The following GPBP1L1 variants were observed in gnomAD, a reference collection of about 807,000 sequenced individuals.
The protein encoded by GPBP1L1 is GC-rich promoter binding protein 1 like 1, also known as vasculin-like protein 1.
Under a neutral mutation model 52.5 loss-of-function variants are expected in GPBP1L1, and 23 were observed. The observed-to-expected ratio is 0.44, with a 90% CI of 0.32 to 0.62. The LOEUF is 0.62. Among genes scored for constraint, GPBP1L1 ranks in the 20% least tolerant of loss-of-function variants. The pLI is 0.06. For synonymous variants in GPBP1L1, 243 were observed against 203.1 expected, an observed-to-expected ratio of 1.20 and a Z score of -1.67; for missense variants, 596 against 579.3, an observed-to-expected ratio of 1.03 and a Z score of -0.30.
chr1:45,661,150 TAG>T lies in GPBP1L1; in HGVS notation c.-1024_-1023del, dbSNP rs1275056167. 3 of 152,184 alleles carry T rather than the reference TAG, an allele frequency of 2.0e-5. No individual in the cohort carries two copies. Among genetic ancestry groups the T allele is most frequent in the Non-Finnish European group, 2.9e-5 (2 of 68,026 alleles). The allele number at this position is 152,184 out of a possible 1,614,324, so 9.4% of individuals were successfully genotyped here. A position where few individuals can be genotyped will look rare whatever the true frequency, so the allele number is the denominator to read the frequency against. On this transcript the variant is annotated 5_prime_UTR_variant, in exon 3 of 13. Transcript: ENST00000355105. ...ATATGAAGAATCTTCTATGCTTTGG[TAG>T]AGAAGTCACTTATTATTTTGGATCC...
rs1295473227 is a variant in GPBP1L1 at position 45,654,750 on chromosome 1, T to C, written c.270A>G (p.Thr90=). The part of the protein sequence containing the change: ...GVSKGAYAGI[T]GNPSGWHSSS... ...AGCTATGCCAACCAGATGGGTTCCC[T>C]GTGATTCCAGCATATGCTCCCTTAG... is the stretch of plus-strand genomic sequence containing the variant. The change falls in exon 6 of 13, where the codon ACA becomes ACG. Residue 90 remains threonine (T), a synonymous_variant. Coordinates refer to ENST00000355105, the MANE Select transcript of GPBP1L1 (RefSeq NM_021639.5). The C allele has an allele frequency of 6.2e-7, 1 of 1,614,168 alleles. No homozygotes were observed. Among genetic ancestry groups the C allele is most frequent in the Non-Finnish European group, 8.5e-7 (1 of 1,180,028 alleles).
At chr1:45,635,526 G>T (rs1411070640) in intron 8 of GPBP1L1, 3 of 152,108 alleles carry the variant, frequency 2.0e-5, no homozygotes, top group African/African-American at 4.8e-5. Context: ...ACATAAAACA[G>T]AATATCTATG....
chr1:45,648,856 C>T (rs1283495305), intron 6 of GPBP1L1, among the ~76,000 whole-genome samples: 4 of 152,158 alleles, frequency 2.6e-5, no homozygotes, highest in South Asian at 2.1e-4. Flanking sequence ...GGCGAAATCC[C>T]GCCTCTACTA....
rs757921630 is a variant in GPBP1L1 at position 45,627,398 on chromosome 1, C to T, written c.*858G>A. 21 of 152,450 alleles carry T rather than the reference C, an allele frequency of 1.4e-4. No individual in the cohort carries two copies. Among genetic ancestry groups the T allele is most frequent in the Non-Finnish European group, 2.4e-4 (16 of 67,994 alleles). The allele number at this position is 152,450 out of a possible 1,614,324, so 9.4% of individuals were successfully genotyped here. ...ATAGAGAAACAGTTGTGTCTGAATT[C>T]ACATTTCCCCCCAACTTCTAAAAAT... On this transcript the variant is annotated 3_prime_UTR_variant, in exon 13 of 13. Transcript: ENST00000355105.
intron 4 of GPBP1L1, among the ~76,000 whole-genome samples, chr1:45,657,957 G>A (rs1557710233): frequency 6.6e-6 from 1 of 152,184 alleles, no homozygotes; most frequent in Non-Finnish European, 1.5e-5. Flanking sequence ...TTTTAAAATA[G>A]GAAAGGTAGG....
chr1:45,675,673 A>G (rs186269089), intron 2 of GPBP1L1, among the ~76,000 whole-genome samples: 2 of 152,210 alleles, frequency 1.3e-5, no homozygotes, highest in East Asian at 3.9e-4. Context: ...CCAAGTAGCA[A>G]GGACTACAGG....
At chr1:45,654,872 T>C in intron 5 of GPBP1L1, 43 bp from the exon 6 acceptor site, 5 of 1,577,266 alleles carry the variant, frequency 3.2e-6, no homozygotes, top group Non-Finnish European at 3.4e-6. Flanking sequence ...GTTTGCTTCC[T>C]GATTTGGTTT....
intron 2 of GPBP1L1, among the ~76,000 whole-genome samples, chr1:45,678,795 G>A (rs1158160950): frequency 2.0e-5 from 3 of 152,124 alleles, no homozygotes. Flanking sequence ...TGGATCAGCT[G>A]GAGAAATTTG....
intron 2 of GPBP1L1, among the ~76,000 whole-genome samples, chr1:45,661,693 T>C (rs922557403): frequency 3.3e-5 from 5 of 152,094 alleles, no homozygotes; most frequent in African/African-American, 9.7e-5. Flanking sequence ...GACTTTGTGA[T>C]CCGCCCACCT....
intron 6 of GPBP1L1, among the ~76,000 whole-genome samples, chr1:45,646,431 AT>A (rs1488304099): frequency 6.6e-6 from 1 of 152,126 alleles, no homozygotes; most frequent in Non-Finnish European, 1.5e-5. Context: ...GCCAAAGGAT[AT>A]CTTTCTTTTT....
In GPBP1L1 at chr1:45,633,511, C is replaced by A; in HGVS notation, c.1022G>T (p.Arg341Ile). Residue 341 changes from arginine to isoleucine, a missense_variant, in exon 10 of 13, where the codon AGA becomes ATA. Transcript: ENST00000355105. The part of the protein sequence containing the change: ...DDRNGDFSEN[R>I]DCDKLEDLED... ...TACATCTTCCAGCTTGTCACAGTCT[C>A]TATTCTCTGAGAAGTCTCCATTCCG... The A allele has an allele frequency of 6.2e-7, 1 of 1,614,076 alleles. No individual in the cohort carries two copies. Among genetic ancestry groups the A allele is most frequent in the Non-Finnish European group, 8.5e-7 (1 of 1,180,014 alleles).
chr1:45,670,449 A>C (rs1293815745), intron 2 of GPBP1L1, among the ~76,000 whole-genome samples: 2 of 152,190 alleles, frequency 1.3e-5, no homozygotes, highest in African/African-American at 2.4e-5. Flanking sequence ...ATTTAGATGC[A>C]ATCAAAGCTG....
rs752500261 is a variant in GPBP1L1 at position 45,640,344 on chromosome 1, C to T, written c.610G>A (p.Glu204Lys). ...GCAGAGAAGGCAGCAGCAGGATCCT[C>T]TTTGGAAACTTTTTTGATAACTAGC... ...KMLVIKKVSKEDPAAAFSAAF... is the reference protein window; with the variant it reads ...KMLVIKKVSKKDPAAAFSAAF... Residue 204 changes from glutamate to lysine, a missense_variant, in exon 8 of 13, where the codon GAG becomes AAG. Physicochemically the swap from Glu to Lys is moderately conservative, Grantham distance 56. Coordinates refer to ENST00000355105, the MANE Select transcript of GPBP1L1 (RefSeq NM_021639.5). 16 of 1,614,004 alleles carry T rather than the reference C, an allele frequency of 9.9e-6. No individual in the cohort carries two copies. Among genetic ancestry groups the T allele is most frequent in the Non-Finnish European group, 1.0e-5 (12 of 1,180,028 alleles).
intron 1 of GPBP1L1, among the ~76,000 whole-genome samples, chr1:45,686,103 G>A (rs1470625695): frequency 6.6e-6 from 1 of 152,254 alleles, no homozygotes; most frequent in Non-Finnish European, 1.5e-5. Context: ...GGATCGCCTG[G>A]AGAGGAGCCA....
intron 3 of GPBP1L1, among the ~76,000 whole-genome samples, chr1:45,659,656 C>G (rs1644925281): frequency 6.6e-6 from 1 of 152,164 alleles, no homozygotes; most frequent in Non-Finnish European, 1.5e-5. Flanking sequence ...TAGAAAAGAT[C>G]TTCTTGGCTG....
In GPBP1L1 at chr1:45,633,604, C is replaced by G. The variant is rs767120306; in HGVS notation, c.929G>C (p.Arg310Pro). The G allele has an allele frequency of 1.9e-6, 3 of 1,613,864 alleles. No homozygotes were observed. The highest frequency in any genetic ancestry group is 2.2e-5 in the East Asian group (1 of 44,866). Residue 310 changes from arginine to proline, a missense_variant, in exon 10 of 13, where the codon CGT becomes CCT. Physicochemically the swap from Arg to Pro is moderately radical, Grantham distance 103 (BLOSUM62 -2). Transcript: ENST00000355105. ...GGTTCGGCGGGTCAACTTGGTCAGA[C>G]GAGAGGAGCTGATCTCAATTGGAGG... ...TTPPIEISSS[R>P]LTKLTRRTTD...
chr1:45,644,326 C>T (rs530183206), intron 6 of GPBP1L1, among the ~76,000 whole-genome samples: 37 of 152,226 alleles, frequency 2.4e-4, no homozygotes, highest in South Asian at 4.2e-4. Context: ...AGACAATGCT[C>T]CTATTTATAC....
chr1:45,671,759 G>A (rs1645075807), intron 2 of GPBP1L1, among the ~76,000 whole-genome samples: 2 of 152,092 alleles, frequency 1.3e-5, no homozygotes. Flanking sequence ...GGGAAGCTGA[G>A]GCCGCAGTGA....
Position 45,628,365 on chromosome 1 carries a change from C to A in GPBP1L1, c.1316G>T (p.Arg439Leu). ...GFGKNGFLQSRSSSLFSPWRS... is the reference protein window; with the variant it reads ...GFGKNGFLQSLSSSLFSPWRS... ...CCAAGGGGAGAACAGACTGGAACTG[C>A]GGCTCTGCAAGAAGCCATTCTTTCC... Residue 439 changes from arginine (R) to leucine (L), a missense_variant, in exon 13 of 13, where the codon CGC becomes CTC. Coordinates refer to ENST00000355105, the MANE Select transcript of GPBP1L1 (RefSeq NM_021639.5). 1 of 1,613,964 alleles carries A rather than the reference C, an allele frequency of 6.2e-7. No individual in the cohort carries two copies.
Sources: allele counts gnomAD v4.1 joint callset (sites outside exome capture counted in the v4.1 genomes callset), GRCh38; gene constraint gnomAD v4.1.1; transcripts MANE v1.5; gene names NCBI Gene and HGNC (gene_info 2026-07-23, HGNC 2026-07-21).